Variants in SEPTIN7 observed in about 807,000 individuals in gnomAD.
The protein encoded by SEPTIN7 is septin-7.
Under a neutral mutation model 63.3 loss-of-function variants are expected in SEPTIN7, and 10 were observed. The observed-to-expected ratio is 0.16, with a 90% CI of 0.10 to 0.27. The LOEUF is 0.27. Ranked by LOEUF, SEPTIN7 falls within the 10% of genes least tolerant of loss-of-function variation. The pLI is 1.00. For missense variants in SEPTIN7, 310 were observed against 521.0 expected, an observed-to-expected ratio of 0.59 and a Z score of 3.94; for synonymous variants, 131 against 165.3, an observed-to-expected ratio of 0.79 and a Z score of 1.59.
At chr7:35,907,474 A>G (rs1359464003), downstream of SEPTIN7, among the ~76,000 whole-genome samples, 1 of 152,118 alleles carries the variant, frequency 6.6e-6, no homozygotes, top group Non-Finnish European at 1.5e-5. Context: ...TAATAAATGA[A>G]TAAGTTAAAC....
Position 35,879,910 on chromosome 7 carries a change from A to G in SEPTIN7, c.600A>G (p.Thr200=). Residue 200 remains threonine (T), a synonymous_variant, in exon 7 of 14, where the codon ACA becomes ACG. Coordinates refer to ENST00000350320, the MANE Select transcript of SEPTIN7 (RefSeq NM_001788.6). ...IPLIAKADTL[T]PEECQQFKKQ... is the part of the protein sequence containing the mutation. The stretch of plus-strand genomic sequence containing the variant: ...TTATTGCCAAAGCAGACACACTCAC[A>G]CCAGAGGAATGCCAACAGTTTAAAA... 1 of 1,596,366 alleles carries G rather than the reference A, an allele frequency of 6.3e-7. No individual in the cohort carries two copies. Among genetic ancestry groups the G allele is most frequent in the East Asian group, 2.2e-5 (1 of 44,462 alleles).
chr7:35,817,053 G>A (rs1789116023), intron 1 of SEPTIN7, among the ~76,000 whole-genome samples: 1 of 151,224 alleles, frequency 6.6e-6, no homozygotes, highest in African/African-American at 2.4e-5. Flanking sequence ...TGAAGTACAA[G>A]CATTTTTAAT....
intron 12 of SEPTIN7, chr7:35,901,765 G>GGTA (rs1249353318): frequency 6.6e-6 from 1 of 151,870 alleles, no homozygotes; most frequent in East Asian, 1.9e-4. Flanking sequence ...CATTCCCAGA[G>GGTA]GTAACTACTA....
At chr7:35,821,655 T>G (rs906849372) in intron 1 of SEPTIN7, among the ~76,000 whole-genome samples, 3 of 152,248 alleles carry the variant, frequency 2.0e-5, no homozygotes, top group African/African-American at 7.2e-5. Flanking sequence ...AACTTCAGTT[T>G]TTGGTCCACA....
the SEPTIN7 span, among the ~76,000 whole-genome samples, chr7:35,914,185 G>A: frequency 6.6e-6 from 1 of 152,236 alleles, no homozygotes; most frequent in African/African-American, 2.4e-5. Flanking sequence ...CAGGTCATAT[G>A]CTATAATAAC....
intron 12 of SEPTIN7, chr7:35,898,951 T>C (rs1305136687): frequency 2.0e-5 from 3 of 152,252 alleles, no homozygotes; most frequent in Non-Finnish European, 4.4e-5. Context: ...GTTACAACAT[T>C]GGGCAGGGTA....
chr7:35,836,213 T>C (rs1784079731), intron 3 of SEPTIN7, among the ~76,000 whole-genome samples: 1 of 152,166 alleles, frequency 6.6e-6, no homozygotes, highest in African/African-American at 2.4e-5. Context: ...CTGTTTGGCT[T>C]GGAACTTGAC....
rs10274853 is a variant in SEPTIN7, at chr7:35,885,747, C to T, written c.821-81C>T. The T allele has an allele frequency of 7.4e-6, 8 of 1,080,766 alleles. No individual in the cohort carries two copies. The East Asian group carries it at 1.8e-4, about 24-fold the overall frequency. 66.9% of individuals were successfully genotyped at this position (1,080,766 alleles called of 1,614,324 possible). On this transcript the variant is annotated intron_variant, in intron 9 of 13. Coordinates refer to ENST00000350320, the MANE Select transcript of SEPTIN7 (RefSeq NM_001788.6). The stretch of plus-strand genomic sequence containing the variant: ...TGCATTTCCTCTTCTTGTTTTTACA[C>T]CCCAAGTTCCTGTGAAATATTTTTT...
downstream of SEPTIN7, among the ~76,000 whole-genome samples, chr7:35,908,293 A>G (rs889472902): frequency 6.6e-6 from 1 of 152,212 alleles, no homozygotes; most frequent in African/African-American, 2.4e-5. Flanking sequence ...CAGAAAATAG[A>G]GGCTGACAAT....
chr7:35,887,241 G>C (rs1188697490), intron 10 of SEPTIN7, among the ~76,000 whole-genome samples: 3 of 152,182 alleles, frequency 2.0e-5, no homozygotes, highest in South Asian at 2.1e-4. Flanking sequence ...TACTTGCCTA[G>C]TGCTTGACAC....
intron 10 of SEPTIN7, among the ~76,000 whole-genome samples, chr7:35,887,796 A>G (rs987060724): frequency 1.3e-5 from 2 of 152,274 alleles, no homozygotes; most frequent in African/African-American, 4.8e-5. Context: ...TAAAAATTCT[A>G]AAGTTATTAT....
At chr7:35,826,616 A>G (rs1783529663) in intron 1 of SEPTIN7, among the ~76,000 whole-genome samples, 1 of 152,018 alleles carries the variant, frequency 6.6e-6, no homozygotes, top group Non-Finnish European at 1.5e-5. Flanking sequence ...TCATTTTGTA[A>G]TGATATTGGG....
intron 6 of SEPTIN7, among the ~76,000 whole-genome samples, chr7:35,878,242 C>T (rs765881633): frequency 2.6e-5 from 4 of 151,882 alleles, no homozygotes; most frequent in Non-Finnish European, 4.4e-5. Flanking sequence ...AAGCCAGTGT[C>T]CTAAAGGATG....
chr7:35,889,106 A>C (rs561947577), intron 10 of SEPTIN7, among the ~76,000 whole-genome samples: 2 of 152,198 alleles, frequency 1.3e-5, no homozygotes, highest in Admixed American at 6.5e-5. Flanking sequence ...ATGAATGACA[A>C]CCAAGGAGGA....
At position 35,867,593 on chromosome 7, in the gene SEPTIN7, G is replaced by A. The variant is rs1015793680; in HGVS notation, c.276+3935G>A. 6.1e-4 allele frequency among the ~76,000 whole-genome samples: 91 copies of A among 149,152 alleles called. 1 individual carries two copies. The highest frequency in any genetic ancestry group is 2.0e-3 in the African/African-American group (79 of 40,448). On this transcript the variant is annotated intron_variant, in intron 4 of 13. Coordinates refer to ENST00000350320, the MANE Select transcript of SEPTIN7 (RefSeq NM_001788.6). ...TCGAACTCCTGACCTCACGTGATCC[G>A]CCCGCCTCGGCCTCCCAAAGTGCCG...
intron 6 of SEPTIN7, among the ~76,000 whole-genome samples, chr7:35,878,785 A>G (rs1044407683): frequency 3.9e-5 from 6 of 152,116 alleles, no homozygotes; most frequent in African/African-American, 1.4e-4. Context: ...AAGAGGGAAA[A>G]TGGGGGTTCA....
At chr7:35,872,568 G>T in intron 4 of SEPTIN7, 98 bp from the exon 5 acceptor site, 1 of 809,450 alleles carries the variant, frequency 1.2e-6, no homozygotes, top group Non-Finnish European at 2.1e-6. Flanking sequence ...CAGTTTCCCA[G>T]TTGGTTTTGA....
At chr7:35,839,792 A>G (rs1192537235) in intron 3 of SEPTIN7, among the ~76,000 whole-genome samples, 4 of 152,078 alleles carry the variant, frequency 2.6e-5, no homozygotes, top group East Asian at 1.9e-4. Flanking sequence ...TGACCTTGTG[A>G]TCCACTTGCC....
chr7:35,856,633 T>C (rs909405296), intron 3 of SEPTIN7, among the ~76,000 whole-genome samples: 5 of 152,196 alleles, frequency 3.3e-5, no homozygotes, highest in Non-Finnish European at 7.3e-5. Context: ...CAACTACTTT[T>C]TGGTACCCAT....
Sources: gnomAD v4.1 joint callset for allele counts (sites outside exome capture counted in the v4.1 genomes callset) on GRCh38, gnomAD v4.1.1 for gene constraint, MANE v1.5 for transcripts, NCBI Gene and HGNC (gene_info 2026-07-23, HGNC 2026-07-21) for gene names.